The following APLF variants were observed in gnomAD, a reference collection of about 807,000 sequenced individuals.
The protein encoded by APLF is aprataxin and PNKP like factor.
APLF carries 61 observed loss-of-function variants against 55.6 expected under a neutral mutation model. That is an observed-to-expected ratio of 1.10 (90% confidence interval 0.89 to 1.36). APLF has a LOEUF of 1.36. APLF is among the 40% of genes most tolerant of loss of function. The pLI, the probability that APLF is intolerant of heterozygous loss-of-function variation, is 0.00. For missense variants in APLF, 611 were observed against 602.5 expected (o/e 1.01, Z -0.15); for synonymous variants, 207 against 214.8 (o/e 0.96, Z 0.32).
rs1670165292 is a variant in APLF at position 68,529,018 on chromosome 2, C to T, written c.804+2776C>T. ...CTTTGGGCTCTTCTGCCCTCACCTC[C>T]ATTTTCGGGAGCCTGGCTGGGATCA... On this transcript the variant is annotated intron_variant, in intron 6 of 9. Coordinates refer to ENST00000303795, the MANE Select transcript of APLF (RefSeq NM_173545.3). This position sits in a 1 kb window ranked among gnomAD's most constrained non-coding sequence, Gnocchi z 4.4. 1 of 1,500,156 alleles carries T rather than the reference C, an allele frequency of 6.7e-7. No homozygotes were observed. The highest frequency in any genetic ancestry group is 2.0e-5 in the Admixed American group (1 of 50,968). The allele number at this position is 1,500,156 out of a possible 1,614,324, so 92.9% of individuals were successfully genotyped here.
In APLF at chr2:68,499,332, G is replaced by A. The variant is rs531246067; in HGVS notation, c.169-3399G>A. ...GGTTGGGTTTGCCAATATTTTGCCTGCTCTTGTTTGCTTTTAGAATCAAAG... is the reference window on the plus strand; with the variant it reads ...GGTTGGGTTTGCCAATATTTTGCCTACTCTTGTTTGCTTTTAGAATCAAAG... On this transcript the variant is annotated intron_variant, in intron 2 of 9. Coordinates refer to ENST00000303795, the MANE Select transcript of APLF (RefSeq NM_173545.3). Among the ~76,000 whole-genome samples the A allele has an allele frequency of 1.1e-4, 16 of 152,256 alleles. No homozygotes were observed. The South Asian group carries it at 1.9e-3, about 18-fold the overall frequency.
rs1671701722 is a variant in APLF, at chr2:68,579,162, A to T, written c.*1140A>T. 1 of 786,248 alleles carries T rather than the reference A, an allele frequency of 1.3e-6. No individual in the cohort carries two copies. The highest frequency in any genetic ancestry group is 6.3e-5 in the Admixed American group (1 of 15,964). 48.7% of individuals were successfully genotyped at this position (786,248 alleles called of 1,614,324 possible). ...AATTTATATCTTAAAAGATCAAAAC[A>T]TATTTATAATAATATTTTCTCATTG... On this transcript the variant is annotated 3_prime_UTR_variant, in exon 10 of 10. Transcript: ENST00000303795.
intron 1 of APLF, among the ~76,000 whole-genome samples, chr2:68,479,905 A>G (rs1365451881): frequency 1.3e-5 from 2 of 151,944 alleles, no homozygotes; most frequent in Non-Finnish European, 2.9e-5. Flanking sequence ...GACAATGAAG[A>G]TGAAGACCTA....
intron 6 of APLF, among the ~76,000 whole-genome samples, chr2:68,531,115 A>C (rs771435633): frequency 6.6e-6 from 1 of 152,156 alleles, no homozygotes; most frequent in Non-Finnish European, 1.5e-5. Context: ...TTCCTCTTTC[A>C]ATTTTTGCTA....
chr2:68,476,681 A>G, intron 1 of APLF, among the ~76,000 whole-genome samples: 1 of 151,902 alleles, frequency 6.6e-6, no homozygotes, highest in East Asian at 1.9e-4. Flanking sequence ...TTTAATTAAT[A>G]TTATACTATA....
At chr2:68,545,388 G>A (rs552984969) in intron 8 of APLF, 76 bp downstream of exon 8, 6 of 1,477,798 alleles carry the variant, frequency 4.1e-6, no homozygotes, top group African/African-American at 1.4e-5. Context: ...ACTGACAGCA[G>A]CTTGTTATCT....
At chr2:68,485,398 G>T (rs1676132540) in intron 1 of APLF, among the ~76,000 whole-genome samples, 1 of 152,100 alleles carries the variant, frequency 6.6e-6, no homozygotes, top group Non-Finnish European at 1.5e-5. Context: ...TTAAGTAGGT[G>T]ATGTTTATTC....
chr2:68,575,486 T>C (rs534832257), intron 9 of APLF, among the ~76,000 whole-genome samples: 9 of 152,264 alleles, frequency 5.9e-5, no homozygotes, highest in African/African-American at 9.6e-5. Context: ...TCTGACTTTT[T>C]TTTGTGAAGA....
chr2:68,556,321 A>G (rs1671008792), intron 8 of APLF, among the ~76,000 whole-genome samples: 1 of 152,144 alleles, frequency 6.6e-6, no homozygotes, highest in Non-Finnish European at 1.5e-5. Flanking sequence ...CATGTAACCA[A>G]ATACCACCTG....
rs373013891 is a variant in APLF, at chr2:68,529,249, G to A, written c.804+3007G>A. ...TAAGACACAGCCTCATAAGGGTGCC[G>A]TCCCACCTGCCTGGAAAAGAAGGCC... On this transcript the variant is annotated intron_variant, in intron 6 of 9. Transcript: ENST00000303795. The surrounding 1 kb of genome is among the most constrained non-coding windows in gnomAD (Gnocchi z 4.4). 3.0e-5 allele frequency: 38 copies of A among 1,279,230 alleles called. No individual in the cohort carries two copies. Among genetic ancestry groups the A allele is most frequent in the Middle Eastern group, 2.2e-4 (1 of 4,592 alleles). The allele number at this position is 1,279,230 out of a possible 1,614,324, so 79.2% of individuals were successfully genotyped here. A position where few individuals can be genotyped will look rare whatever the true frequency, so the allele number is the denominator to read the frequency against.
Position 68,469,700 on chromosome 2 carries a change from C to T in APLF, c.96+1873C>T, listed in dbSNP as rs549758358. Among the ~76,000 whole-genome samples the T allele has an allele frequency of 2.0e-5, 3 of 152,280 alleles. No homozygotes were observed. The South Asian group carries it at 6.2e-4, about 32-fold the overall frequency. ...ATTCTTCTCTGCACTGGTTAAAACA[C>T]AACATAAGGGCTCCTGTTTCCAACA... On this transcript the variant is annotated intron_variant, in intron 1 of 9. Transcript: ENST00000303795.
intron 2 of APLF, among the ~76,000 whole-genome samples, chr2:68,499,796 C>T (rs1265522504): frequency 6.6e-6 from 1 of 152,038 alleles, no homozygotes. Flanking sequence ...AGAGATCATG[C>T]CACTGCACTC....
At chr2:68,496,870 G>A (rs974784222) in intron 2 of APLF, among the ~76,000 whole-genome samples, 4 of 152,266 alleles carry the variant, frequency 2.6e-5, no homozygotes, top group South Asian at 4.1e-4. Context: ...TTTGCTGATC[G>A]TTTGGTCATT....
chr2:68,517,252 T>TATTAATATATGTTATTGATATATATA (rs1174434697), intron 5 of APLF, among the ~76,000 whole-genome samples: 1 of 76,612 alleles, frequency 1.3e-5, no homozygotes, highest in South Asian at 3.7e-4. Flanking sequence ...CATTACTATA[T>TATTAATATATGTTATTGATATATATA]AATATATTAA....
chr2:68,502,600 T>C, intron 2 of APLF, 131 bp from the exon 3 acceptor site: 1 of 511,218 alleles, frequency 2.0e-6, no homozygotes, highest in South Asian at 7.6e-5. Flanking sequence ...AGTCTAAGTT[T>C]ATGCTTAAAT....
intron 9 of APLF, among the ~76,000 whole-genome samples, chr2:68,573,939 G>A (rs1335520235): frequency 1.3e-5 from 2 of 151,954 alleles, no homozygotes; most frequent in African/African-American, 4.8e-5. Context: ...ATAAAAAGCC[G>A]GAACAACTTC....
chr2:68,501,534 T>A (rs1289174168), intron 2 of APLF, among the ~76,000 whole-genome samples: 1 of 152,198 alleles, frequency 6.6e-6, no homozygotes, highest in Non-Finnish European at 1.5e-5. Context: ...CCTATTTGAC[T>A]TATGGAAAGA....
At chr2:68,567,285 G>A in intron 8 of APLF, 56 bp from the exon 9 acceptor site, 1 of 1,462,450 alleles carries the variant, frequency 6.8e-7, no homozygotes, top group Non-Finnish European at 9.5e-7. Flanking sequence ...AGTGTAAATA[G>A]TCATCAACTT....
chr2:68,493,455 G>A (rs1676431698), intron 2 of APLF, among the ~76,000 whole-genome samples: 1 of 152,048 alleles, frequency 6.6e-6, no homozygotes, highest in Non-Finnish European at 1.5e-5. Context: ...AGTAGGGAAG[G>A]GTTTTTAAAC....
Sources: gnomAD v4.1 joint callset for allele counts (sites outside exome capture counted in the v4.1 genomes callset) on GRCh38, gnomAD v4.1.1 for gene constraint, Gnocchi (gnomAD v3.1) non-coding constraint, MANE v1.5 for transcripts, NCBI Gene and HGNC (gene_info 2026-07-23, HGNC 2026-07-21) for gene names.